ZFR: variants seen among roughly 807,000 people sequenced by gnomAD.
ZFR encodes the protein zinc finger RNA binding protein, also known as zinc finger RNA-binding protein.
In ZFR, 19 loss-of-function variants were observed where a neutral mutation model predicts 130.7. The ratio of observed to expected loss-of-function variants is 0.15; its 90% CI spans 0.10 to 0.21. ZFR has a LOEUF of 0.21. ZFR is among the 10% of genes least tolerant of loss of function. The pLI, the probability that ZFR is intolerant of heterozygous loss-of-function variation, is 1.00. For synonymous variants in ZFR, 466 were observed against 456.9 expected, an observed-to-expected ratio of 1.02 and a Z score of -0.25; for missense variants, 872 against 1,321.5, an observed-to-expected ratio of 0.66 and a Z score of 5.27.
chr5:32,414,793 C>A (rs763165772), intron 5 of ZFR, among the ~76,000 whole-genome samples, 176 bp downstream of exon 5: 2 of 152,074 alleles, frequency 1.3e-5, no homozygotes, highest in Non-Finnish European at 2.9e-5. Flanking sequence ...CCTCCCCACG[C>A]CCCCAAAAAA....
At chr5:32,375,929 C>T (rs746916264) in intron 17 of ZFR, among the ~76,000 whole-genome samples, 2 of 151,868 alleles carry the variant, frequency 1.3e-5, no homozygotes, top group African/African-American at 2.4e-5. Context: ...CTGCAACCTC[C>T]GCCCTGAGTT....
intron 6 of ZFR, among the ~76,000 whole-genome samples, chr5:32,405,503 T>C (rs923344391): frequency 1.3e-5 from 2 of 152,206 alleles, no homozygotes; most frequent in South Asian, 2.1e-4. Flanking sequence ...GCCAGCCTTA[T>C]ATGCACTCAT....
chr5:32,406,341 G>A (rs1489808955), intron 6 of ZFR, among the ~76,000 whole-genome samples: 1 of 152,084 alleles, frequency 6.6e-6, no homozygotes, highest in East Asian at 1.9e-4. Flanking sequence ...ATCAAAGTCA[G>A]TCTCATTAGA....
Position 32,403,964 on chromosome 5 carries a change from A to G in ZFR, c.1166T>C (p.Val389Ala). 1 of 1,613,868 alleles carries G rather than the reference A, an allele frequency of 6.2e-7. No homozygotes were observed. The highest frequency in any genetic ancestry group is 8.5e-7 in the Non-Finnish European group (1 of 1,179,898). The change falls in exon 7 of 20, where the codon GTG (valine) becomes GCG (alanine). Residue 389 changes from valine (V) to alanine (A), a missense_variant. Around this residue, in one of 7 missense-constraint regions of ZFR, gnomAD observed 21 missense variants for 54.4 expected, o/e 0.39. Transcript: ENST00000265069. ...ATACGCATCTGCTCCTGTACAAGAC[A>G]CATCGCAGAGCTCACAACGTAGCTG... ...QNQLRCELCD[V>A]SCTGADAYAA... is the part of the protein sequence containing the mutation.
chr5:32,425,587 G>C (rs1754055170), intron 2 of ZFR, among the ~76,000 whole-genome samples: 1 of 152,196 alleles, frequency 6.6e-6, no homozygotes, highest in Non-Finnish European at 1.5e-5. Context: ...GAGTGCAGTG[G>C]CACAATCTCG....
intron 8 of ZFR, among the ~76,000 whole-genome samples, chr5:32,400,529 A>G (rs999635627): frequency 7.2e-5 from 11 of 152,202 alleles, no homozygotes; most frequent in Non-Finnish European, 1.3e-4. Context: ...AGTGACTGAA[A>G]TGAGTAGTAT....
At chr5:32,433,700 A>T (rs908147695) in intron 2 of ZFR, among the ~76,000 whole-genome samples, 22 of 152,174 alleles carry the variant, frequency 1.4e-4, no homozygotes, top group African/African-American at 5.3e-4. Context: ...ACTTTTTTCC[A>T]ATCACTTTTA....
Position 32,403,284 on chromosome 5 carries a change from A to C in ZFR, c.1338T>G (p.Pro446=). ...TACAATTGTTTGCTGCAATGCTTGA[A>C]GGAGAGGCAGTCGGCTTTGAAGCAG... is the stretch of plus-strand genomic sequence containing the variant. The part of the protein sequence containing the change: ...AVSASKPTAS[P]SSIAANNCTV... Residue 446 remains proline (P), a synonymous_variant, in exon 8 of 20, where the codon CCT becomes CCG. Transcript: ENST00000265069. The C allele has an allele frequency of 6.2e-7, 1 of 1,614,198 alleles. No homozygotes were observed. The highest frequency in any genetic ancestry group is 1.1e-5 in the South Asian group (1 of 91,080).
At chr5:32,429,809 T>C (rs745419625) in intron 2 of ZFR, among the ~76,000 whole-genome samples, 2 of 152,134 alleles carry the variant, frequency 1.3e-5, no homozygotes, top group Non-Finnish European at 2.9e-5. Context: ...TAGCTCATGC[T>C]TGTAATCCTG....
At chr5:32,392,192 C>G (rs920867204) in intron 11 of ZFR, among the ~76,000 whole-genome samples, 1 of 152,194 alleles carries the variant, frequency 6.6e-6, no homozygotes, top group Non-Finnish European at 1.5e-5. Context: ...TTGCTAACAA[C>G]GTTTAAGTCA....
chr5:32,428,690 C>CT (rs1014333510), intron 2 of ZFR, among the ~76,000 whole-genome samples: 2 of 152,198 alleles, frequency 1.3e-5, no homozygotes, highest in Admixed American at 6.5e-5. Flanking sequence ...GCCTACCACA[C>CT]TTTGAGTAGT....
chr5:32,439,530 A>G (rs565052314), intron 2 of ZFR, among the ~76,000 whole-genome samples: 1 of 152,378 alleles, frequency 6.6e-6, no homozygotes, highest in East Asian at 1.9e-4. Context: ...CAAAATCATT[A>G]GATGAGATGC....
At chr5:32,423,961 T>G (rs1336029295) in intron 2 of ZFR, among the ~76,000 whole-genome samples, 2 of 152,164 alleles carry the variant, frequency 1.3e-5, no homozygotes, top group African/African-American at 4.8e-5. Context: ...TTTTAACCAC[T>G]CAAGGATGGA....
In ZFR at chr5:32,403,365, G is replaced by T. The variant is rs1753511133; in HGVS notation, c.1257C>A (p.Pro419=). Residue 419 remains proline (P), a synonymous_variant, in exon 8 of 20, where the codon CCC becomes CCA. Transcript: ENST00000265069. The stretch of plus-strand genomic sequence containing the variant: ...CAACATTTGGTTCTGTTGATGGAAT[G>T]GGTTTACCAAGTTTTGTGTGTAACT... The part of the protein sequence containing the change: ...VVKLHTKLGK[P]IPSTEPNVVS... 1 of 1,613,828 alleles carries T rather than the reference G, an allele frequency of 6.2e-7. No individual in the cohort carries two copies. Among genetic ancestry groups the T allele is most frequent in the South Asian group, 1.1e-5 (1 of 91,086 alleles).
At position 32,388,457 on chromosome 5, in the gene ZFR, T is replaced by G; in HGVS notation, c.2348+12A>C. The G allele has an allele frequency of 6.2e-7, 1 of 1,611,374 alleles. No homozygotes were observed. The highest frequency in any genetic ancestry group is 8.5e-7 in the Non-Finnish European group (1 of 1,178,416). On this transcript the variant is annotated intron_variant, in intron 13 of 19. Transcript: ENST00000265069. ...CCAAAATTACACATGGTAAATAACT[T>G]TCAAAACACACCTGTCTTTACCTCC...
intron 19 of ZFR, 59 bp from the exon 20 acceptor site, chr5:32,355,998 AC>A: frequency 7.2e-7 from 1 of 1,395,346 alleles, no homozygotes; most frequent in East Asian, 2.6e-5. Flanking sequence ...AGTAATACTT[AC>A]TACATTTACC....
intron 11 of ZFR, among the ~76,000 whole-genome samples, chr5:32,391,847 C>T (rs932031533): frequency 1.3e-5 from 2 of 151,998 alleles, no homozygotes; most frequent in African/African-American, 4.8e-5. Context: ...GATCCTCCCA[C>T]CTCAGCCCCC....
At chr5:32,359,247 T>G (rs1447042718) in intron 19 of ZFR, among the ~76,000 whole-genome samples, 2 of 151,964 alleles carry the variant, frequency 1.3e-5, no homozygotes, top group East Asian at 3.9e-4. Flanking sequence ...CCCTCAGTGT[T>G]GAATGTGGCC....
chr5:32,403,264 T>G lies in ZFR; in HGVS notation c.1358A>C (p.Asn453Thr). 2 of 1,614,170 alleles carry G rather than the reference T, an allele frequency of 1.2e-6. No individual in the cohort carries two copies. Among genetic ancestry groups the G allele is most frequent in the African/African-American group, 1.3e-5 (1 of 75,046 alleles). Residue 453 changes from asparagine to threonine, a missense_variant, in exon 8 of 20, where the codon AAT (asparagine) becomes ACT (threonine). Transcript: ENST00000265069. ...AACTGATGACGTATTCACAGTACAA[T>G]TGTTTGCTGCAATGCTTGAAGGAGA... ...TASPSSIAAN[N>T]CTVNTSSVAT...
Sources: allele counts gnomAD v4.1 joint callset (sites outside exome capture counted in the v4.1 genomes callset), GRCh38; gene constraint gnomAD v4.1.1; regional missense constraint gnomAD v4.1.1; transcripts MANE v1.5; gene names NCBI Gene and HGNC (gene_info 2026-07-23, HGNC 2026-07-21).